The following GALNT13 variants were observed in gnomAD, a reference collection of about 807,000 sequenced individuals.
GALNT13 encodes the protein polypeptide N-acetylgalactosaminyltransferase 13, also known as UDP-GalNAc:polypeptide N-acetylgalactosaminyltransferase 13.
A neutral mutation model predicts 64.2 loss-of-function variants in GALNT13; 28 were observed. That is an observed-to-expected ratio of 0.44 (90% CI 0.32 to 0.60). The LOEUF is 0.60. Ranked by LOEUF, GALNT13 falls within the 20% of genes least tolerant of loss-of-function variation. The pLI, the probability that GALNT13 is intolerant of heterozygous loss-of-function variation, is 0.05. For missense variants in GALNT13, 577 were observed against 669.8 expected, an observed-to-expected ratio of 0.86 and a Z score of 1.53; for synonymous variants, 214 against 224.6, an observed-to-expected ratio of 0.95 and a Z score of 0.42.
At chr2:153,647,327 G>A in the GALNT13 span, among the ~76,000 whole-genome samples, 3 of 151,984 alleles carry the variant, frequency 2.0e-5, no homozygotes, top group African/African-American at 7.2e-5. Context: ...TTTTTTTCTT[G>A]TAAATTTGTT....
intron 9 of GALNT13, among the ~76,000 whole-genome samples, chr2:154,350,128 C>T (rs989787965): frequency 1.4e-4 from 21 of 152,202 alleles, no homozygotes; most frequent in Non-Finnish European, 7.3e-5. Context: ...ATTCAACAAA[C>T]ATCCATTAAC....
the GALNT13 span, among the ~76,000 whole-genome samples, chr2:153,660,440 A>G: frequency 6.6e-6 from 1 of 151,952 alleles, no homozygotes; most frequent in Admixed American, 6.6e-5. Context: ...ATTTTGAGCA[A>G]GGAACTGATA....
At chr2:154,424,615 G>A (rs1489915619) in intron 11 of GALNT13, among the ~76,000 whole-genome samples, 5 of 152,094 alleles carry the variant, frequency 3.3e-5, no homozygotes, top group Non-Finnish European at 7.4e-5. Flanking sequence ...CAAAAGCTGA[G>A]GGCAGATGAT....
chr2:153,463,486 G>A, the GALNT13 span, among the ~76,000 whole-genome samples: 5 of 152,074 alleles, frequency 3.3e-5, no homozygotes, highest in East Asian at 1.9e-4. Context: ...CCTGCCTTGC[G>A]CCTATAGCCA....
the GALNT13 span, among the ~76,000 whole-genome samples, chr2:153,731,556 G>A: frequency 6.6e-6 from 1 of 151,892 alleles, no homozygotes; most frequent in Non-Finnish European, 1.5e-5. Flanking sequence ...ATTTTGCCAT[G>A]TCCTCATCCA....
At chr2:153,994,691 G>A (rs1422030465) in intron 3 of GALNT13, among the ~76,000 whole-genome samples, 1 of 152,110 alleles carries the variant, frequency 6.6e-6, no homozygotes, top group East Asian at 1.9e-4. Context: ...TTTTTGATGT[G>A]TCTGTTGGCT....
chr2:153,759,408 T>A, the GALNT13 span, among the ~76,000 whole-genome samples: 1 of 152,302 alleles, frequency 6.6e-6, no homozygotes, highest in African/African-American at 2.4e-5. Context: ...GTTGCCATTG[T>A]TTTCATCATT....
At chr2:153,428,056 A>G in the GALNT13 span, among the ~76,000 whole-genome samples, 1 of 152,364 alleles carries the variant, frequency 6.6e-6, no homozygotes, top group Middle Eastern at 3.4e-3. Flanking sequence ...CATGCATTCA[A>G]TACAGAGTCA....
intron 3 of GALNT13, among the ~76,000 whole-genome samples, chr2:154,126,503 T>C (rs552696440): frequency 4.4e-4 from 67 of 151,616 alleles, no homozygotes; most frequent in South Asian, 2.1e-3. Context: ...GGCGTGGTGG[T>C]GGGCGCCGGT....
At chr2:154,043,885 G>A (rs1476330553) in intron 3 of GALNT13, among the ~76,000 whole-genome samples, 1 of 151,922 alleles carries the variant, frequency 6.6e-6, no homozygotes, top group Non-Finnish European at 1.5e-5. Flanking sequence ...GGTAGACGGG[G>A]GCAAAACCCA....
intron 9 of GALNT13, among the ~76,000 whole-genome samples, chr2:154,357,222 C>T (rs1696802817): frequency 1.3e-5 from 2 of 152,150 alleles, no homozygotes; most frequent in South Asian, 4.1e-4. Context: ...TAGCTCTTAA[C>T]TTTCTAGGAG....
chr2:153,673,827 C>T, the GALNT13 span, among the ~76,000 whole-genome samples: 38 of 152,114 alleles, frequency 2.5e-4, no homozygotes, highest in Non-Finnish European at 4.4e-4. Context: ...AGCCTAAAAT[C>T]TCAAGCTGAT....
chr2:153,631,562 T>C, the GALNT13 span, among the ~76,000 whole-genome samples: 1 of 152,236 alleles, frequency 6.6e-6, no homozygotes, highest in African/African-American at 2.4e-5. Flanking sequence ...TGATGGCCAG[T>C]GATGATGAGC....
At chr2:153,698,896 C>T in the GALNT13 span, among the ~76,000 whole-genome samples, 3 of 152,144 alleles carry the variant, frequency 2.0e-5, no homozygotes, top group African/African-American at 7.2e-5. Flanking sequence ...TCTCTCAGAC[C>T]ACAGTGCAAT....
the GALNT13 span, among the ~76,000 whole-genome samples, chr2:153,257,950 C>G: frequency 6.6e-6 from 1 of 152,142 alleles, no homozygotes; most frequent in Non-Finnish European, 1.5e-5. Context: ...ATTCCCTGTA[C>G]AAGGTTCCTG....
chr2:154,232,456 A>G (rs1456052033), intron 4 of GALNT13, among the ~76,000 whole-genome samples: 1 of 152,098 alleles, frequency 6.6e-6, no homozygotes, highest in African/African-American at 2.4e-5. Flanking sequence ...CATCACTCTA[A>G]TAATCACTGT....
At chr2:153,706,230 C>A in the GALNT13 span, among the ~76,000 whole-genome samples, 4 of 152,072 alleles carry the variant, frequency 2.6e-5, no homozygotes, top group African/African-American at 9.7e-5. Context: ...CTCCTCACCT[C>A]GTGATCCACC....
At chr2:154,106,966 C>T (rs1363934478) in intron 3 of GALNT13, among the ~76,000 whole-genome samples, 1 of 152,094 alleles carries the variant, frequency 6.6e-6, no homozygotes, top group Non-Finnish European at 1.5e-5. Context: ...TAATGTCTTC[C>T]ATTAGAGAGT....
intron 3 of GALNT13, among the ~76,000 whole-genome samples, chr2:154,107,166 T>C (rs1427948221): frequency 2.0e-5 from 3 of 152,318 alleles, no homozygotes; most frequent in Non-Finnish European, 4.4e-5. Flanking sequence ...ACACCATGTA[T>C]CTTGTGCAGC....
Sources: gnomAD v4.1 joint callset for allele counts (sites outside exome capture counted in the v4.1 genomes callset) on GRCh38, gnomAD v4.1.1 for gene constraint, MANE v1.5 for transcripts, NCBI Gene and HGNC (gene_info 2026-07-23, HGNC 2026-07-21) for gene names.